The following SYT16 variants were observed in gnomAD, a reference collection of about 807,000 sequenced individuals.
SYT16 encodes synaptotagmin 16, also known as synaptotagmin-16.
SYT16 carries 42 observed loss-of-function variants against 61.4 expected under a neutral mutation model. The observed-to-expected ratio is 0.68, with a 90% CI of 0.53 to 0.89. The LOEUF (loss-of-function observed/expected upper bound fraction) is 0.89, where lower values mean the gene tolerates loss of function less well. SYT16 is among the 40% of genes least tolerant of loss of function. The pLI, the probability that SYT16 is intolerant of heterozygous loss-of-function variation, is 0.00. For synonymous variants in SYT16, 314 were observed against 302.3 expected (o/e 1.04, Z -0.40); for missense variants, 804 against 807.3 (o/e 1.00, Z 0.05).
At chr14:62,097,323 TC>T (rs2057303194) in intron 7 of SYT16, among the ~76,000 whole-genome samples, 1 of 152,262 alleles carries the variant, frequency 6.6e-6, no homozygotes, top group Non-Finnish European at 1.5e-5. Flanking sequence ...TATAAAGCTT[TC>T]TGAATCACCA....
rs564435974 is a variant in SYT16 at position 61,923,283 on chromosome 14, TATTC to T, written c.-324-46846_-324-46843del. ...CTCTCTCTACCTTTTTTAGCAGAAT[TATTC>T]ATCACTTTCTTATTATGTAAAATGG... is the stretch of plus-strand genomic sequence containing the variant. On this transcript the variant is annotated intron_variant, in intron 1 of 7. Transcript: ENST00000683842. 3.4e-3 allele frequency among the ~76,000 whole-genome samples: 522 copies of T among 152,318 alleles called. 5 individuals are homozygous for T. Among genetic ancestry groups the T allele is most frequent in the African/African-American group, 0.012 (508 of 41,578 alleles).
At chr14:61,993,760 C>G (rs2052652385) in intron 2 of SYT16, among the ~76,000 whole-genome samples, 1 of 152,156 alleles carries the variant, frequency 6.6e-6, no homozygotes, top group South Asian at 2.1e-4. Context: ...TGTTTAACAT[C>G]TTTTTAACAG....
chr14:61,987,559 A>T (rs2052365881), intron 2 of SYT16, among the ~76,000 whole-genome samples: 1 of 152,150 alleles, frequency 6.6e-6, no homozygotes, highest in Non-Finnish European at 1.5e-5. Flanking sequence ...GTTTAGAGTT[A>T]TTTAGATGAA....
chr14:62,019,703 T>A (rs1353156623), intron 3 of SYT16, among the ~76,000 whole-genome samples: 1 of 152,264 alleles, frequency 6.6e-6, no homozygotes, highest in Non-Finnish European at 1.5e-5. Context: ...GAGTCCTCTT[T>A]TGCTAGCCAG....
At chr14:61,870,856 G>A (rs1043728472) in intron 1 of SYT16, among the ~76,000 whole-genome samples, 10 of 152,044 alleles carry the variant, frequency 6.6e-5, no homozygotes, top group East Asian at 1.9e-4. Flanking sequence ...TATAATAGCC[G>A]TTTTAACTAC....
intron 1 of SYT16, among the ~76,000 whole-genome samples, chr14:61,816,761 C>T (rs570954871): frequency 3.1e-4 from 47 of 152,054 alleles, no homozygotes; most frequent in Non-Finnish European, 7.4e-5. Flanking sequence ...CCTGTAATCC[C>T]AGCACTTTGG....
chr14:61,925,230 T>A (rs2049489019), intron 1 of SYT16, among the ~76,000 whole-genome samples: 1 of 152,030 alleles, frequency 6.6e-6, no homozygotes, highest in Non-Finnish European at 1.5e-5. Flanking sequence ...TTCTCTTCCT[T>A]CCCTCTTTCC....
At chr14:62,010,479 T>A (rs1953546) in intron 3 of SYT16, among the ~76,000 whole-genome samples, 78,066 of 151,974 alleles carry the variant, frequency 0.51, 20,874 homozygotes, top group East Asian at 0.7. Flanking sequence ...AAATAACTGG[T>A]CATGCCCTGG....
chr14:62,006,770 A>G (rs1226048244), intron 3 of SYT16, among the ~76,000 whole-genome samples: 2 of 152,116 alleles, frequency 1.3e-5, no homozygotes, highest in Admixed American at 1.3e-4. Context: ...AAGGAGTTCT[A>G]ATTGCATTTA....
At chr14:61,981,496 AC>A (rs1274060323) in intron 2 of SYT16, among the ~76,000 whole-genome samples, 2 of 152,196 alleles carry the variant, frequency 1.3e-5, no homozygotes, top group Non-Finnish European at 2.9e-5. Flanking sequence ...CATATAATGA[AC>A]CCCATATATC....
At chr14:61,994,586 A>G (rs991316195) in intron 2 of SYT16, among the ~76,000 whole-genome samples, 4 of 152,280 alleles carry the variant, frequency 2.6e-5, no homozygotes, top group Admixed American at 1.3e-4. Flanking sequence ...TGGTGAATAT[A>G]ACAGGGAAGG....
chr14:61,968,231 A>G lies in SYT16; in HGVS notation c.-324-1901A>G, dbSNP rs149783254. On this transcript the variant is annotated intron_variant, in intron 1 of 7. Transcript: ENST00000683842. ...AGCCAGGATCGCGCCACTGCATTGTAGCCTGTGTGATGGAGTAAGACTCTG... is the reference window on the plus strand; with the variant it reads ...AGCCAGGATCGCGCCACTGCATTGTGGCCTGTGTGATGGAGTAAGACTCTG... Among the ~76,000 whole-genome samples the G allele has an allele frequency of 3.9e-4, 59 of 152,264 alleles. No homozygotes were observed. The East Asian group carries it at 5.8e-3, about 15-fold the overall frequency.
chr14:61,857,610 G>T (rs1403791055), intron 1 of SYT16, among the ~76,000 whole-genome samples: 1 of 152,194 alleles, frequency 6.6e-6, no homozygotes, highest in Non-Finnish European at 1.5e-5. Context: ...GGAGAGTGCA[G>T]TCAAGAGGCT....
chr14:62,013,888 T>G (rs2053562383), intron 3 of SYT16, among the ~76,000 whole-genome samples: 1 of 151,414 alleles, frequency 6.6e-6, no homozygotes, highest in South Asian at 2.1e-4. Context: ...TGCTTGAACC[T>G]GGGAGGCGGA....
At chr14:61,967,181 C>T (rs553781110) in intron 1 of SYT16, among the ~76,000 whole-genome samples, 1 of 152,210 alleles carries the variant, frequency 6.6e-6, no homozygotes, top group Non-Finnish European at 1.5e-5. Flanking sequence ...GTGTGACCTA[C>T]GTTTGGGGAA....
chr14:61,829,328 C>A (rs1362861171), intron 1 of SYT16, among the ~76,000 whole-genome samples: 2 of 152,112 alleles, frequency 1.3e-5, no homozygotes, highest in African/African-American at 4.8e-5. Context: ...TGACTGCTTT[C>A]AAGATTTTTT....
At chr14:61,968,709 C>G (rs980472736) in intron 1 of SYT16, among the ~76,000 whole-genome samples, 1 of 152,186 alleles carries the variant, frequency 6.6e-6, no homozygotes, top group Admixed American at 6.5e-5. Context: ...GTTTAGCACA[C>G]TGAAGCACAA....
At chr14:61,954,274 C>A (rs2050782764) in intron 1 of SYT16, among the ~76,000 whole-genome samples, 1 of 145,090 alleles carries the variant, frequency 6.9e-6, no homozygotes, top group Non-Finnish European at 1.5e-5. Flanking sequence ...ATTTCTAGTT[C>A]TTGTTGTGAG....
chr14:61,915,675 G>A (rs1442258075), intron 1 of SYT16, among the ~76,000 whole-genome samples: 6 of 152,138 alleles, frequency 3.9e-5, no homozygotes, highest in Non-Finnish European at 7.4e-5. Flanking sequence ...CTACTCTAAA[G>A]GAAATAGATA....
Sources: gnomAD v4.1 joint callset for allele counts (sites outside exome capture counted in the v4.1 genomes callset) on GRCh38, gnomAD v4.1.1 for gene constraint, MANE v1.5 for transcripts, NCBI Gene and HGNC (gene_info 2026-07-23, HGNC 2026-07-21) for gene names.